THSD7B: variants seen among roughly 807,000 people sequenced by gnomAD.
THSD7B encodes thrombospondin type 1 domain containing 7B, also known as thrombospondin type-1 domain-containing protein 7B.
Under a neutral mutation model 213.6 loss-of-function variants are expected in THSD7B, and 138 were observed. The ratio of observed to expected loss-of-function variants is 0.65; its 90% CI spans 0.56 to 0.74. The LOEUF (loss-of-function observed/expected upper bound fraction) is 0.74. Ranked by LOEUF, THSD7B falls within the 30% of genes least tolerant of loss-of-function variation. THSD7B has a pLI of 0.00. For missense variants in THSD7B, 1,931 were observed against 1,991.5 expected, an observed-to-expected ratio of 0.97 and a Z score of 0.58; for synonymous variants, 742 against 687.0, an observed-to-expected ratio of 1.08 and a Z score of -1.25.
At chr2:137,135,498 T>C (rs923171325) in intron 5 of THSD7B, among the ~76,000 whole-genome samples, 5 of 152,196 alleles carry the variant, frequency 3.3e-5, no homozygotes, top group Non-Finnish European at 7.3e-5. Flanking sequence ...AAATTGATTA[T>C]CAGAATTCTT....
intron 1 of THSD7B, among the ~76,000 whole-genome samples, chr2:136,871,703 G>A (rs16837222): frequency 0.063 from 9,560 of 152,182 alleles, 367 homozygotes; most frequent in East Asian, 0.14. Context: ...GAAAGAAGCC[G>A]CATAAGTAAG....
At chr2:136,913,117 T>A (rs180713195) in intron 2 of THSD7B, among the ~76,000 whole-genome samples, 2 of 152,282 alleles carry the variant, frequency 1.3e-5, no homozygotes, top group Admixed American at 1.3e-4. Flanking sequence ...TGGTCTCAGA[T>A]GGAAATGAGG....
chr2:137,352,774 G>A (rs1003956251), intron 12 of THSD7B, among the ~76,000 whole-genome samples: 17 of 151,876 alleles, frequency 1.1e-4, no homozygotes, highest in African/African-American at 7.3e-5. Flanking sequence ...TAAACTCTTC[G>A]TGAAAATGTT....
At chr2:137,029,139 C>T (rs1416232288) in intron 2 of THSD7B, among the ~76,000 whole-genome samples, 1 of 134,068 alleles carries the variant, frequency 7.5e-6, no homozygotes, top group Non-Finnish European at 1.5e-5. Flanking sequence ...AGTTTAGTGG[C>T]ATGATCTCGG....
At chr2:137,441,391 A>G (rs542594294) in intron 14 of THSD7B, among the ~76,000 whole-genome samples, 1 of 152,238 alleles carries the variant, frequency 6.6e-6, no homozygotes, top group East Asian at 1.9e-4. Flanking sequence ...TGTAGAGAAT[A>G]TTTGACTTAT....
chr2:136,775,912 A>G (rs952993091), intron 1 of THSD7B, among the ~76,000 whole-genome samples: 2 of 152,116 alleles, frequency 1.3e-5, no homozygotes, highest in Non-Finnish European at 2.9e-5. Context: ...CCAGGCAAGG[A>G]GTTTATTATA....
At chr2:137,224,906 C>T (rs911897251) in intron 7 of THSD7B, among the ~76,000 whole-genome samples, 5 of 152,148 alleles carry the variant, frequency 3.3e-5, no homozygotes, top group African/African-American at 1.2e-4. Flanking sequence ...CCTTTGTAAT[C>T]ATGTTTATTT....
intron 1 of THSD7B, among the ~76,000 whole-genome samples, chr2:136,797,551 C>T (rs1441475879): frequency 6.6e-6 from 1 of 151,842 alleles, no homozygotes; most frequent in Non-Finnish European, 1.5e-5. Flanking sequence ...GATGGGTAGG[C>T]CATTGATTAT....
Position 137,572,551 on chromosome 2 carries a change from C to T in THSD7B, c.3418C>T (p.Pro1140Ser). ...TGAGTGGGGACTTTGGAGCAAATGC[C>T]CACAGGTAATTTCTCTTTCTTTGTC... ...MSEWGLWSKC[P>S]QSCDPHTMQR... Residue 1140 changes from proline to serine, a missense_variant, in exon 17 of 28, where the codon CCA becomes TCA. Physicochemically the swap from Pro to Ser is moderately conservative, Grantham distance 74. Coordinates refer to ENST00000409968, the MANE Select transcript of THSD7B (RefSeq NM_001316349.2). 6.2e-7 allele frequency: 1 copy of T among 1,613,664 alleles called. No homozygotes were observed. Among genetic ancestry groups the T allele is most frequent in the Non-Finnish European group, 8.5e-7 (1 of 1,179,726 alleles).
At chr2:136,859,002 C>G (rs1043487459) in intron 1 of THSD7B, among the ~76,000 whole-genome samples, 1 of 152,182 alleles carries the variant, frequency 6.6e-6, no homozygotes, top group African/African-American at 2.4e-5. Flanking sequence ...GCTGGTTGGG[C>G]TGACAGTTCC....
intron 14 of THSD7B, among the ~76,000 whole-genome samples, chr2:137,436,922 C>A (rs928501591): frequency 2.0e-5 from 3 of 152,054 alleles, no homozygotes; most frequent in Non-Finnish European, 4.4e-5. Flanking sequence ...AAGCCAGAGC[C>A]AAATTTCTAC....
At chr2:136,839,959 C>T (rs1314009632) in intron 1 of THSD7B, among the ~76,000 whole-genome samples, 1 of 152,116 alleles carries the variant, frequency 6.6e-6, no homozygotes, top group Non-Finnish European at 1.5e-5. Flanking sequence ...GACATTGTAT[C>T]ATTGTCTGGG....
intron 12 of THSD7B, among the ~76,000 whole-genome samples, chr2:137,331,159 A>C (rs865954087): frequency 6.5e-5 from 9 of 139,422 alleles, no homozygotes; most frequent in African/African-American, 3.0e-4. Context: ...AATGTTCTCC[A>C]AGGCCCCACC....
At chr2:137,503,136 A>G (rs1303318595) in intron 15 of THSD7B, among the ~76,000 whole-genome samples, 2 of 152,220 alleles carry the variant, frequency 1.3e-5, no homozygotes, top group Non-Finnish European at 2.9e-5. Flanking sequence ...GTAAGCAAGC[A>G]TACCATTGTT....
At chr2:137,478,656 A>G (rs1381034766) in intron 15 of THSD7B, among the ~76,000 whole-genome samples, 1 of 152,080 alleles carries the variant, frequency 6.6e-6, no homozygotes, top group Non-Finnish European at 1.5e-5. Context: ...GTGTCCTTAC[A>G]TTGATATCTG....
chr2:136,983,109 ATC>A (rs1214447474), intron 2 of THSD7B, among the ~76,000 whole-genome samples: 1 of 151,998 alleles, frequency 6.6e-6, no homozygotes, highest in Non-Finnish European at 1.5e-5. Flanking sequence ...TGTAAAAAGT[ATC>A]TCTCATACTG....
intron 17 of THSD7B, among the ~76,000 whole-genome samples, chr2:137,585,827 TGGAGA>T (rs1410934101): frequency 1.3e-5 from 2 of 152,208 alleles, no homozygotes; most frequent in Non-Finnish European, 1.5e-5. Context: ...TGATTTGAGG[TGGAGA>T]GTTCTGTAGA....
At chr2:137,120,619 A>G (rs769880505) in intron 5 of THSD7B, among the ~76,000 whole-genome samples, 15 of 152,138 alleles carry the variant, frequency 9.9e-5, no homozygotes, top group Non-Finnish European at 2.1e-4. Context: ...CTCTTTGCTT[A>G]TATCTTGAAC....
chr2:137,481,946 G>A (rs1335923827), intron 15 of THSD7B, among the ~76,000 whole-genome samples: 1 of 152,172 alleles, frequency 6.6e-6, no homozygotes, highest in Non-Finnish European at 1.5e-5. Context: ...AGGAGGCCAA[G>A]GCAGGCGGAT....
Sources: gnomAD v4.1 joint callset for allele counts (sites outside exome capture counted in the v4.1 genomes callset) on GRCh38, gnomAD v4.1.1 for gene constraint, MANE v1.5 for transcripts, NCBI Gene and HGNC (gene_info 2026-07-23, HGNC 2026-07-21) for gene names.